SPMAP2L: variants seen among roughly 807,000 people sequenced by gnomAD.
The protein encoded by SPMAP2L is sperm microtubule associated protein 2-like.
chr4:56,602,868 A>G, the SPMAP2L span, among the ~76,000 whole-genome samples: 1 of 152,196 alleles, frequency 6.6e-6, no homozygotes, highest in South Asian at 2.1e-4. Context: ...TTGTTTTAAC[A>G]TTGACAAATT....
At chr4:56,593,520 G>A in the SPMAP2L span, 350 of 1,599,180 alleles carry the variant, frequency 2.2e-4, no homozygotes, top group African/African-American at 4.1e-3. Flanking sequence ...GTGGGAGCCT[G>A]GCCTGCTGTG....
chr4:56,567,162 A>C, the SPMAP2L span, among the ~76,000 whole-genome samples: 814 of 152,236 alleles, frequency 5.3e-3, 7 homozygotes, highest in African/African-American at 0.019. Context: ...TTTTATATTT[A>C]CCGGCATTCT....
At chr4:56,601,487 G>A in the SPMAP2L span, among the ~76,000 whole-genome samples, 5 of 152,194 alleles carry the variant, frequency 3.3e-5, no homozygotes, top group African/African-American at 4.8e-5. Flanking sequence ...GGCCAGGCAC[G>A]GTGGCTCATA....
chr4:56,543,692 A>G, the SPMAP2L span, among the ~76,000 whole-genome samples: 2 of 151,990 alleles, frequency 1.3e-5, no homozygotes, highest in African/African-American at 4.8e-5. Flanking sequence ...TCTGTCTCAA[A>G]TAAATAAATA....
chr4:56,539,919 T>G, the SPMAP2L span, among the ~76,000 whole-genome samples: 3 of 152,194 alleles, frequency 2.0e-5, no homozygotes, highest in Admixed American at 2.0e-4. Context: ...TTGTCTGTCT[T>G]TCTACCTGAA....
At chr4:56,554,790 A>G in the SPMAP2L span, among the ~76,000 whole-genome samples, 3 of 151,572 alleles carry the variant, frequency 2.0e-5, no homozygotes, top group Non-Finnish European at 4.4e-5. Flanking sequence ...AACTCCTGAA[A>G]GTTTTATATT....
the SPMAP2L span, chr4:56,531,154 CTG>C: frequency 2.0e-6 from 3 of 1,531,858 alleles, no homozygotes; most frequent in Non-Finnish European, 2.6e-6. Context: ...ACGGCCTCAG[CTG>C]TCTTTCCTGG....
the SPMAP2L span, among the ~76,000 whole-genome samples, chr4:56,609,854 A>G: frequency 6.6e-6 from 1 of 152,200 alleles, no homozygotes; most frequent in Non-Finnish European, 1.5e-5. Flanking sequence ...TGAACTTCCC[A>G]GGCTGTAGAA....
At chr4:56,592,171 T>C in the SPMAP2L span, among the ~76,000 whole-genome samples, 2 of 152,126 alleles carry the variant, frequency 1.3e-5, no homozygotes, top group South Asian at 4.2e-4. Flanking sequence ...AGGATCTAGG[T>C]TGTGCTCTCC....
the SPMAP2L span, among the ~76,000 whole-genome samples, chr4:56,605,722 CAG>C: frequency 6.6e-6 from 1 of 151,916 alleles, no homozygotes; most frequent in Non-Finnish European, 1.5e-5. Context: ...CCTGGGTAAA[CAG>C]ATCCTCAGCA....
the SPMAP2L span, among the ~76,000 whole-genome samples, chr4:56,609,785 C>T: frequency 6.6e-6 from 1 of 152,156 alleles, no homozygotes; most frequent in South Asian, 2.1e-4. Context: ...CAAGAAGGTG[C>T]CATCTTGGAA....
chr4:56,595,802 C>T, the SPMAP2L span: 3 of 775,230 alleles, frequency 3.9e-6, no homozygotes, highest in East Asian at 2.4e-5. Flanking sequence ...TCATCTCCCA[C>T]CCCAGCCTCA....
the SPMAP2L span, among the ~76,000 whole-genome samples, chr4:56,600,084 TTTTC>T: frequency 7.6e-3 from 1,131 of 148,790 alleles, 18 homozygotes; most frequent in African/African-American, 0.027. Flanking sequence ...TAATTTTTGT[TTTTC>T]TTTGCTTTCT....
the SPMAP2L span, among the ~76,000 whole-genome samples, chr4:56,532,213 C>CG: frequency 7.9e-6 from 1 of 126,354 alleles, no homozygotes; most frequent in Admixed American, 7.8e-5. Flanking sequence ...ACACCTTTGA[C>CG]CCCCCCACCC....
chr4:56,587,789 G>A, the SPMAP2L span, among the ~76,000 whole-genome samples: 4 of 152,300 alleles, frequency 2.6e-5, no homozygotes, highest in African/African-American at 4.8e-5. Flanking sequence ...GCATGTGCAA[G>A]TATCTTTTTC....
chr4:56,531,252 A>G, the SPMAP2L span: 2 of 1,438,060 alleles, frequency 1.4e-6, no homozygotes, highest in Non-Finnish European at 1.8e-6. Context: ...CGCCCCATCT[A>G]GAACCGGGGG....
chr4:56,593,296 A>G, the SPMAP2L span: 1 of 1,176,994 alleles, frequency 8.5e-7, no homozygotes, highest in Admixed American at 1.7e-5. Context: ...CTACAGACAC[A>G]AGAGGAGGAA....
the SPMAP2L span, chr4:56,595,813 A>G: frequency 2.6e-6 from 2 of 767,828 alleles, no homozygotes; most frequent in Non-Finnish European, 4.8e-6. Context: ...CCCAGCCTCA[A>G]GTAGGAGTTT....
the SPMAP2L span, among the ~76,000 whole-genome samples, chr4:56,607,713 C>A: frequency 1.3e-5 from 2 of 152,048 alleles, no homozygotes; most frequent in Non-Finnish European, 2.9e-5. Flanking sequence ...GTAACCTGGG[C>A]ATGGTGGCTC....
Sources: gnomAD v4.1 joint callset for allele counts (sites outside exome capture counted in the v4.1 genomes callset) on GRCh38, gnomAD v4.1.1 for gene constraint, MANE v1.5 for transcripts, NCBI Gene and HGNC (gene_info 2026-07-23, HGNC 2026-07-21) for gene names.